Variants in ARHGAP39 observed in about 807,000 individuals in gnomAD.
ARHGAP39 encodes Rho GTPase activating protein 39.
ARHGAP39 carries 44 observed loss-of-function variants against 106.9 expected under a neutral mutation model. The observed-to-expected ratio is 0.41, with a 90% CI of 0.32 to 0.53. ARHGAP39 has a LOEUF of 0.53. ARHGAP39 is among the 20% of genes least tolerant of loss of function. The pLI, the probability that ARHGAP39 is intolerant of heterozygous loss-of-function variation, is 0.21. For synonymous variants in ARHGAP39, 768 were observed against 693.2 expected (o/e 1.11, Z -1.69); for missense variants, 1,496 against 1,577.3 (o/e 0.95, Z 0.87).
the ARHGAP39 span, among the ~76,000 whole-genome samples, chr8:144,699,495 C>G: frequency 1.9e-5 from 2 of 108,032 alleles, no homozygotes; most frequent in African/African-American, 7.2e-5. Context: ...CTGGCGCTGT[C>G]AGGGGCGGTG....
intron 3 of ARHGAP39, among the ~76,000 whole-genome samples, chr8:144,561,836 G>T (rs1337875616): frequency 7.3e-6 from 1 of 136,882 alleles, no homozygotes; most frequent in Non-Finnish European, 1.5e-5. Context: ...GGTTTCCATC[G>T]GGCTCCAGTG....
intron 3 of ARHGAP39, among the ~76,000 whole-genome samples, chr8:144,577,593 T>C (rs1818822542): frequency 1.3e-5 from 2 of 152,206 alleles, no homozygotes; most frequent in African/African-American, 2.4e-5. Flanking sequence ...AGACTATCAC[T>C]AACCACAGAT....
At chr8:144,686,904 AC>A (rs201645312), upstream of ARHGAP39, among the ~76,000 whole-genome samples, 507 of 132,302 alleles carry the variant, frequency 3.8e-3, 28 homozygotes, top group African/African-American at 0.011. Flanking sequence ...AGCACTTCCC[AC>A]CCCCGTGACC....
At chr8:144,580,128 T>C (rs1818916351) in intron 3 of ARHGAP39, among the ~76,000 whole-genome samples, 1 of 152,098 alleles carries the variant, frequency 6.6e-6, no homozygotes, top group African/African-American at 2.4e-5. Context: ...CGCTCTACCC[T>C]GACCTCTCCC....
chr8:144,639,325 CAAAAA>C (rs1320599462), intron 1 of ARHGAP39, among the ~76,000 whole-genome samples: 1 of 64,906 alleles, frequency 1.5e-5, no homozygotes. Context: ...GATGCTGTCT[CAAAAA>C]AAAAAAAAAA....
At chr8:144,550,703 AT>A (rs1224385165) in intron 4 of ARHGAP39, among the ~76,000 whole-genome samples, 1 of 152,204 alleles carries the variant, frequency 6.6e-6, no homozygotes, top group Non-Finnish European at 1.5e-5. Context: ...TGTTCCTGGG[AT>A]TTCTGCTCGT....
At chr8:144,536,188 C>G (rs1816946248) in intron 7 of ARHGAP39, among the ~76,000 whole-genome samples, 1 of 152,214 alleles carries the variant, frequency 6.6e-6, no homozygotes, top group Non-Finnish European at 1.5e-5. Flanking sequence ...TCTCCATCCC[C>G]CTCCGGCTGT....
intron 1 of ARHGAP39, among the ~76,000 whole-genome samples, chr8:144,652,542 A>T (rs1272232982): frequency 1.3e-5 from 2 of 152,248 alleles, no homozygotes; most frequent in African/African-American, 4.8e-5. Flanking sequence ...GGATTTTTAA[A>T]ATGTGGTACA....
chr8:144,562,607 C>T (rs185410512), intron 3 of ARHGAP39, among the ~76,000 whole-genome samples: 3 of 150,106 alleles, frequency 2.0e-5, no homozygotes, highest in East Asian at 3.9e-4. Context: ...TGGTTTCCAT[C>T]GGACTCACTC....
intron 4 of ARHGAP39, among the ~76,000 whole-genome samples, chr8:144,551,297 C>T (rs541096284): frequency 1.5e-4 from 23 of 152,272 alleles, no homozygotes; most frequent in South Asian, 4.1e-4. Context: ...TCAGATGCCA[C>T]GCTCTATCTC....
chr8:144,599,643 G>A (rs1484430085), intron 2 of ARHGAP39, among the ~76,000 whole-genome samples: 1 of 151,960 alleles, frequency 6.6e-6, no homozygotes, highest in African/African-American at 2.4e-5. Context: ...AATTATATCA[G>A]GAAGAATAAA....
At chr8:144,579,201 C>CAA (rs541332282) in intron 3 of ARHGAP39, among the ~76,000 whole-genome samples, 1,056 of 39,476 alleles carry the variant, frequency 0.027, 57 homozygotes, top group Admixed American at 0.054. Flanking sequence ...GACTCTGTCT[C>CAA]AAAAAAAAAA....
chr8:144,589,001 G>C (rs1344901548), intron 2 of ARHGAP39, among the ~76,000 whole-genome samples: 1 of 152,230 alleles, frequency 6.6e-6, no homozygotes, highest in African/African-American at 2.4e-5. Context: ...ATGTCACGTG[G>C]GACCCGGGGA....
At chr8:144,545,924 G>T in intron 5 of ARHGAP39, 114 bp from the exon 6 acceptor site, 1 of 881,424 alleles carries the variant, frequency 1.1e-6, no homozygotes, top group Non-Finnish European at 1.7e-6. Context: ...AGCCAGCCAG[G>T]TGAGAGCCCT....
At chr8:144,593,469 C>G (rs1175873349) in intron 2 of ARHGAP39, among the ~76,000 whole-genome samples, 2 of 152,128 alleles carry the variant, frequency 1.3e-5, no homozygotes, top group Admixed American at 6.5e-5. Flanking sequence ...GCTAAACTGA[C>G]AAAACTCTTA....
intron 4 of ARHGAP39, among the ~76,000 whole-genome samples, chr8:144,553,303 G>A (rs1467920350): frequency 1.3e-5 from 2 of 152,186 alleles, no homozygotes; most frequent in Non-Finnish European, 1.5e-5. Context: ...CTTTCCAGAA[G>A]CCCTAGATCA....
In ARHGAP39 at chr8:144,593,141, CA is replaced by C. The variant is rs1198572880; in HGVS notation, c.81-11865del. Among the ~76,000 whole-genome samples, 4 of 152,324 alleles carry C rather than the reference CA, an allele frequency of 2.6e-5. No individual in the cohort carries two copies. The East Asian group carries it at 7.7e-4, about 29-fold the overall frequency. ...CCCAGAAGCTGCTGTCAAGGCGGAACAACCTTCCTGCAGCCCCTGTTTCTTG... is the reference window on the plus strand; with the variant it reads ...CCCAGAAGCTGCTGTCAAGGCGGAACACCTTCCTGCAGCCCCTGTTTCTTG... On this transcript the variant is annotated intron_variant, in intron 2 of 11. Coordinates refer to ENST00000377307, the MANE Select transcript of ARHGAP39 (RefSeq NM_025251.3).
At chr8:144,649,227 G>A (rs543931709) in intron 1 of ARHGAP39, among the ~76,000 whole-genome samples, 24 of 150,622 alleles carry the variant, frequency 1.6e-4, no homozygotes, top group Non-Finnish European at 2.4e-4. Context: ...GCAGATCACC[G>A]GTCAGGGGAT....
Position 144,591,023 on chromosome 8 carries a change from G to A in ARHGAP39, c.81-9746C>T, listed in dbSNP as rs2130914956. 6.6e-6 allele frequency among the ~76,000 whole-genome samples: 1 copy of A among 152,346 alleles called. No individual in the cohort carries two copies. Among genetic ancestry groups the A allele is most frequent in the East Asian group, 1.9e-4 (1 of 5,190 alleles). ...ACCTTCCACAGCTGGCACTGACCCT[G>A]GAGTGGGGCAATTCCTGGCAAAGCC... On this transcript the variant is annotated intron_variant, in intron 2 of 11. Transcript: ENST00000377307. The surrounding 1 kb of genome is among the most constrained non-coding windows in gnomAD (Gnocchi z 5.3).
Sources: gnomAD v4.1 joint callset for allele counts (sites outside exome capture counted in the v4.1 genomes callset) on GRCh38, gnomAD v4.1.1 for gene constraint, Gnocchi (gnomAD v3.1) non-coding constraint, MANE v1.5 for transcripts, NCBI Gene and HGNC (gene_info 2026-07-23, HGNC 2026-07-21) for gene names.